NEK10: variants seen among roughly 807,000 people sequenced by gnomAD.
The protein encoded by NEK10 is serine/threonine-protein kinase Nek10.
NEK10 carries 122 observed loss-of-function variants against 159.8 expected under a neutral mutation model. The ratio of observed to expected loss-of-function variants is 0.76; its 90% CI spans 0.66 to 0.89. NEK10 has a LOEUF of 0.89. Ranked by LOEUF, NEK10 falls within the 40% of genes least tolerant of loss-of-function variation. The pLI, the probability that NEK10 is intolerant of heterozygous loss-of-function variation, is 0.00. For missense variants in NEK10, 1,342 were observed against 1,323.1 expected, an observed-to-expected ratio of 1.01 and a Z score of -0.22; for synonymous variants, 466 against 457.1, an observed-to-expected ratio of 1.02 and a Z score of -0.25.
intron 23 of NEK10, among the ~76,000 whole-genome samples, chr3:27,235,040 G>T (rs1032336093): frequency 6.6e-6 from 1 of 152,112 alleles, no homozygotes; most frequent in African/African-American, 2.4e-5. Context: ...AATAAATGGT[G>T]CTGGGATCAC....
intron 23 of NEK10, 160 bp from the exon 24 acceptor site, chr3:27,202,717 C>G (rs898945336): frequency 3.2e-6 from 2 of 620,568 alleles, no homozygotes; most frequent in Non-Finnish European, 4.0e-6. Flanking sequence ...TTGAAATTTC[C>G]CAGCCTTAGA....
intron 1 of NEK10, among the ~76,000 whole-genome samples, chr3:27,357,887 G>C (rs2048424532): frequency 6.6e-6 from 1 of 152,126 alleles, no homozygotes; most frequent in East Asian, 1.9e-4. Flanking sequence ...GGCTGGGAAA[G>C]GAGAACTGTG....
In NEK10 at chr3:27,311,013, A is replaced by T. The variant is rs547047110; in HGVS notation, c.572T>A (p.Ile191Asn). The T allele has an allele frequency of 6.9e-6, 11 of 1,605,454 alleles. No homozygotes were observed. In the African/African-American group the frequency reaches 1.3e-4, roughly 20 times the overall value. ...TVDKLVNMTY[I>N]FQKLAAVKDQ... ...TTTGACTGCAGCAAGTTTTTGAAAAATATCTATAAAGGAAAGAAAGAGCGC... is the reference window on the plus strand; with the variant it reads ...TTTGACTGCAGCAAGTTTTTGAAAATTATCTATAAAGGAAAGAAAGAGCGC... The change falls in exon 9 of 36, where the codon ATT (isoleucine) becomes AAT (asparagine). Residue 191 changes from isoleucine (I) to asparagine (N), a missense_variant. Ile to Asn is a moderately radical substitution (Grantham distance 149). Coordinates refer to ENST00000691995, the MANE Select transcript of NEK10 (RefSeq NM_001394966.1).
chr3:27,226,500 T>C (rs1307943194), intron 23 of NEK10, among the ~76,000 whole-genome samples: 2 of 152,224 alleles, frequency 1.3e-5, no homozygotes, highest in African/African-American at 4.8e-5. Flanking sequence ...TAACGGCTGC[T>C]GCAGAGGTCA....
intron 26 of NEK10, among the ~76,000 whole-genome samples, chr3:27,182,291 C>A (rs541158233): frequency 6.6e-6 from 1 of 152,178 alleles, no homozygotes; most frequent in Admixed American, 6.5e-5. Context: ...CTCCGTTAAG[C>A]CATTCCACAA....
intron 8 of NEK10, 38 bp from the exon 9 acceptor site, chr3:27,311,054 G>C (rs548526048): frequency 1.1e-4 from 147 of 1,302,980 alleles, no homozygotes; most frequent in South Asian, 9.5e-4. Flanking sequence ...GGCATCCAGA[G>C]ATTAAAGGGG....
chr3:27,106,631 T>C lies in NEK10; in HGVS notation c.*4641A>G, dbSNP rs538587856. ...TGTAAGTGACCTTCACAGTCTGCCT[T>C]AAAGGTGCCAAGGCCTTAAAGCAGT... is the stretch of plus-strand genomic sequence containing the variant. On this transcript the variant is annotated 3_prime_UTR_variant, in exon 36 of 36. Transcript: ENST00000691995. Among the ~76,000 whole-genome samples, 33 of 152,216 alleles carry C rather than the reference T, an allele frequency of 2.2e-4. No homozygotes were observed. The highest frequency in any genetic ancestry group is 3.8e-4 in the Non-Finnish European group (26 of 68,040).
At chr3:27,160,684 T>C (rs1341385270) in intron 30 of NEK10, among the ~76,000 whole-genome samples, 2 of 152,128 alleles carry the variant, frequency 1.3e-5, no homozygotes, top group African/African-American at 4.8e-5. Flanking sequence ...GGTGGGCAGA[T>C]CACTTGAGGT....
intron 23 of NEK10, among the ~76,000 whole-genome samples, chr3:27,218,035 TTA>T (rs925920795): frequency 5.3e-5 from 8 of 152,052 alleles, no homozygotes; most frequent in Non-Finnish European, 1.5e-5. Flanking sequence ...AAAATAAGGG[TTA>T]CTTGAAGAGA....
At chr3:27,178,294 C>A (rs990363529) in intron 26 of NEK10, among the ~76,000 whole-genome samples, 3 of 152,120 alleles carry the variant, frequency 2.0e-5, no homozygotes, top group African/African-American at 7.2e-5. Context: ...AAATTAAGGG[C>A]ATCTATTTTA....
In NEK10 at chr3:27,334,560, C is replaced by T. The variant is rs778857718; in HGVS notation, c.362+9712G>A. On this transcript the variant is annotated intron_variant, in intron 5 of 35. Coordinates refer to ENST00000691995, the MANE Select transcript of NEK10 (RefSeq NM_001394966.1). ...AGCCTACCTTGTGTCCCAGTCTCCACCAAAACTACACCCCAGCCTCCAATA... is the reference window on the plus strand; with the variant it reads ...AGCCTACCTTGTGTCCCAGTCTCCATCAAAACTACACCCCAGCCTCCAATA... Among the ~76,000 whole-genome samples, 16 of 152,180 alleles carry T rather than the reference C, an allele frequency of 1.1e-4. 1 individual carries two copies. Among genetic ancestry groups the T allele is most frequent in the Non-Finnish European group, 2.1e-4 (14 of 68,030 alleles).
At position 27,132,043 on chromosome 3, in the gene NEK10, C is replaced by T. The variant is rs148636900; in HGVS notation, c.2971-53G>A. ...TAAACAAATTGTTAACACTACACAG[C>T]TGACTACAAAAAGCATTCGCTGAGG... On this transcript the variant is annotated intron_variant, in intron 31 of 35. Transcript: ENST00000691995. 300 of 1,010,820 alleles carry T rather than the reference C, an allele frequency of 3.0e-4. No individual in the cohort carries two copies. In the African/African-American group the frequency reaches 3.9e-3, roughly 13 times the overall value. 62.6% of individuals were successfully genotyped at this position (1,010,820 alleles called of 1,614,324 possible).
chr3:27,338,585 T>C (rs1200924151), intron 5 of NEK10, among the ~76,000 whole-genome samples: 2 of 152,204 alleles, frequency 1.3e-5, no homozygotes, highest in Non-Finnish European at 2.9e-5. Context: ...CTCCACATCC[T>C]AAGTTATTTC....
At chr3:27,300,589 G>C (rs1575646819) in intron 13 of NEK10, among the ~76,000 whole-genome samples, 1 of 152,226 alleles carries the variant, frequency 6.6e-6, no homozygotes, top group East Asian at 1.9e-4. Context: ...TCCACCCAGA[G>C]GAATGTGTAG....
chr3:27,251,844 G>A (rs1955701982), intron 23 of NEK10, among the ~76,000 whole-genome samples: 1 of 151,884 alleles, frequency 6.6e-6, no homozygotes, highest in South Asian at 2.1e-4. Context: ...ACTCACTGTT[G>A]TAGTAACTAT....
intron 22 of NEK10, 51 bp downstream of exon 22, chr3:27,284,551 G>C (rs752347690): frequency 9.8e-7 from 1 of 1,017,170 alleles, no homozygotes; most frequent in Non-Finnish European, 1.6e-6. Context: ...ACTACTCTAG[G>C]ATAGTATTCA....
chr3:27,322,146 T>TAAA (rs11393122), intron 6 of NEK10, 31 bp downstream of exon 6: 100 of 998,150 alleles, frequency 1.0e-4, no homozygotes, highest in African/African-American at 1.6e-4. Flanking sequence ...TTATAACAAG[T>TAAA]AAAAAAAAAA....
chr3:27,259,961 A>G (rs1307894884), intron 22 of NEK10, among the ~76,000 whole-genome samples: 2 of 151,996 alleles, frequency 1.3e-5, no homozygotes, highest in Non-Finnish European at 2.9e-5. Context: ...ATTCCTAGGT[A>G]TTTTATTCTC....
At chr3:27,160,450 A>G (rs1332560710) in intron 30 of NEK10, among the ~76,000 whole-genome samples, 1 of 152,230 alleles carries the variant, frequency 6.6e-6, no homozygotes, top group African/African-American at 2.4e-5. Flanking sequence ...AGTTAATGGA[A>G]AAAACCTTCA....
Sources: allele counts gnomAD v4.1 joint callset (sites outside exome capture counted in the v4.1 genomes callset), GRCh38; gene constraint gnomAD v4.1.1; transcripts MANE v1.5; gene names NCBI Gene and HGNC (gene_info 2026-07-23, HGNC 2026-07-21).